Variants in KATNA1 observed in about 807,000 individuals in gnomAD.
The protein encoded by KATNA1 is katanin p60 ATPase-containing subunit A1.
KATNA1 carries 42 observed loss-of-function variants against 62.6 expected under a neutral mutation model. That is an observed-to-expected ratio of 0.67 (90% CI 0.52 to 0.87). The LOEUF is 0.87. KATNA1 is among the 40% of genes least tolerant of loss of function. KATNA1 has a pLI of 0.00. For synonymous variants in KATNA1, 186 were observed against 201.9 expected (o/e 0.92, Z 0.67); for missense variants, 498 against 612.5 (o/e 0.81, Z 1.97).
intron 2 of KATNA1, among the ~76,000 whole-genome samples, chr6:149,635,822 C>T (rs1335904599): frequency 1.3e-5 from 2 of 149,920 alleles, no homozygotes; most frequent in Admixed American, 6.6e-5. Flanking sequence ...TTTGGGAGGC[C>T]GAGGCAAGCA....
intron 4 of KATNA1, among the ~76,000 whole-genome samples, chr6:149,619,613 CAA>C (rs1204501718): frequency 2.5e-5 from 3 of 118,500 alleles, no homozygotes; most frequent in Admixed American, 8.5e-5. Flanking sequence ...ACTGTCTCCA[CAA>C]AAAAAAAAAA....
chr6:149,595,661 TA>T (rs918509604), intron 10 of KATNA1, among the ~76,000 whole-genome samples: 131 of 143,276 alleles, frequency 9.1e-4, no homozygotes, highest in Non-Finnish European at 1.0e-3. Context: ...TCATTTGTGT[TA>T]AAAAAAAAAA....
chr6:149,610,449 C>A lies in KATNA1; in HGVS notation c.502-5667G>T, dbSNP rs142401095. On this transcript the variant is annotated intron_variant, in intron 4 of 10. Transcript: ENST00000367411. Reference sequence around the variant, plus strand: ...GAACATATACCAAAACAGACCATATCTTAAGCCAAAAACAAACTTAGACAA... The same window carrying A: ...GAACATATACCAAAACAGACCATATATTAAGCCAAAAACAAACTTAGACAA... 3.6e-3 allele frequency among the ~76,000 whole-genome samples: 544 copies of A among 152,220 alleles called. 1 individual carries two copies. Among genetic ancestry groups the A allele is most frequent in the African/African-American group, 0.012 (516 of 41,518 alleles).
At chr6:149,607,187 T>C (rs1778771729) in intron 4 of KATNA1, among the ~76,000 whole-genome samples, 1 of 152,168 alleles carries the variant, frequency 6.6e-6, no homozygotes. Flanking sequence ...CAAATTTAAG[T>C]AGGCAGAAGA....
At chr6:149,607,864 G>A (rs1176078003) in intron 4 of KATNA1, among the ~76,000 whole-genome samples, 1 of 151,962 alleles carries the variant, frequency 6.6e-6, no homozygotes, top group Non-Finnish European at 1.5e-5. Context: ...TCAGTAGTTC[G>A]AGACCAGCCT....
At chr6:149,627,546 A>C (rs1779662735) in intron 3 of KATNA1, among the ~76,000 whole-genome samples, 1 of 151,064 alleles carries the variant, frequency 6.6e-6, no homozygotes, top group South Asian at 2.1e-4. Flanking sequence ...AAAAAAAAAA[A>C]AAATTGTTGG....
At chr6:149,599,499 C>T (rs1286409754) in intron 7 of KATNA1, among the ~76,000 whole-genome samples, 1 of 152,104 alleles carries the variant, frequency 6.6e-6, no homozygotes, top group African/African-American at 2.4e-5. Context: ...GTTCTCCCTG[C>T]ACAGCACACT....
chr6:149,635,533 C>T (rs1780034579), intron 2 of KATNA1, among the ~76,000 whole-genome samples: 1 of 151,312 alleles, frequency 6.6e-6, no homozygotes, highest in African/African-American at 2.4e-5. Context: ...TGGCAAAAAC[C>T]CCGTCTCTAC....
At chr6:149,605,485 T>C (rs1778704060) in intron 4 of KATNA1, among the ~76,000 whole-genome samples, 1 of 152,146 alleles carries the variant, frequency 6.6e-6, no homozygotes, top group African/African-American at 2.4e-5. Context: ...CTCCTAAAAA[T>C]ATCCCTTTTC....
chr6:149,598,080 G>C (rs895424277), intron 8 of KATNA1, 144 bp downstream of exon 8: 2 of 838,456 alleles, frequency 2.4e-6, no homozygotes, highest in East Asian at 5.2e-5. Flanking sequence ...GGAACTTCTT[G>C]CCACCCCCTC....
chr6:149,597,951 A>G (rs1358045644), intron 8 of KATNA1: 4 of 469,916 alleles, frequency 8.5e-6, no homozygotes, highest in African/African-American at 4.0e-5. Context: ...ATTTATTTTT[A>G]TTTCAATTTC....
At chr6:149,601,536 C>T in intron 7 of KATNA1, 58 bp downstream of exon 7, 1 of 1,445,598 alleles carries the variant, frequency 6.9e-7, no homozygotes, top group Non-Finnish European at 9.3e-7. Flanking sequence ...ATAGTTACAG[C>T]TCACTTTCTC....
chr6:149,629,795 A>C (rs1018483257), intron 3 of KATNA1, among the ~76,000 whole-genome samples: 1 of 152,156 alleles, frequency 6.6e-6, no homozygotes, highest in Non-Finnish European at 1.5e-5. Context: ...GTGGCAAATA[A>C]CTCTTAAAAA....
At chr6:149,609,538 C>G (rs998660755) in intron 4 of KATNA1, among the ~76,000 whole-genome samples, 7 of 151,946 alleles carry the variant, frequency 4.6e-5, no homozygotes, top group Admixed American at 6.6e-5. Context: ...GGCATGGTGG[C>G]TCAGGCCTGT....
At chr6:149,606,741 T>TA (rs1778756068) in intron 4 of KATNA1, among the ~76,000 whole-genome samples, 1 of 151,854 alleles carries the variant, frequency 6.6e-6, no homozygotes, top group African/African-American at 2.4e-5. Context: ...GCCTCAGCCT[T>TA]CCGAGTAGCT....
At position 149,634,393 on chromosome 6, in the gene KATNA1, C is replaced by T. The variant is rs939135878; in HGVS notation, c.163-1477G>A. Among the ~76,000 whole-genome samples the T allele has an allele frequency of 3.9e-5, 6 of 152,116 alleles. No homozygotes were observed. In the South Asian group the frequency reaches 1.2e-3, roughly 32 times the overall value. On this transcript the variant is annotated intron_variant, in intron 2 of 10. Transcript: ENST00000367411. ...AAGAATAATTAGCTGGGCATGGTGG[C>T]CCATGCCTGTAGTCCTGCCTACTTT...
At position 149,609,976 on chromosome 6, in the gene KATNA1, G is replaced by A. The variant is rs145835067; in HGVS notation, c.502-5194C>T. Among the ~76,000 whole-genome samples the A allele has an allele frequency of 6.0e-3, 879 of 145,886 alleles. 6 individuals are homozygous for A. Among genetic ancestry groups the A allele is most frequent in the Non-Finnish European group, 9.1e-3 (598 of 65,870 alleles). On this transcript the variant is annotated intron_variant, in intron 4 of 10. Transcript: ENST00000367411. The stretch of plus-strand genomic sequence containing the variant: ...TAGCTGGGTGTGGTAGCACATGCCT[G>A]TAATCCCAGCTACTCGGGAGGCTGA...
At chr6:149,613,179 C>CCAAAAAAAAA (rs1779025595) in intron 4 of KATNA1, among the ~76,000 whole-genome samples, 1 of 12,562 alleles carries the variant, frequency 8.0e-5, no homozygotes, top group Non-Finnish European at 2.5e-4. Context: ...GACTCTGTCT[C>CCAAAAAAAAA]AAAAAAAAAA....
chr6:149,629,308 G>A (rs1337402717), intron 3 of KATNA1, among the ~76,000 whole-genome samples: 1 of 152,074 alleles, frequency 6.6e-6, no homozygotes, highest in African/African-American at 2.4e-5. Flanking sequence ...GAGTAAGGAA[G>A]TAAGTAAGAG....
Sources: allele counts gnomAD v4.1 joint callset (sites outside exome capture counted in the v4.1 genomes callset), GRCh38; gene constraint gnomAD v4.1.1; transcripts MANE v1.5; gene names NCBI Gene and HGNC (gene_info 2026-07-23, HGNC 2026-07-21).